The following SPRY3 variants were observed in gnomAD, a reference collection of about 807,000 sequenced individuals.
The protein encoded by SPRY3 is protein sprouty homolog 3.
In SPRY3, 15 loss-of-function variants were observed where a neutral mutation model predicts 20.2. That is an observed-to-expected ratio of 0.74 (90% CI 0.50 to 1.14). The LOEUF is 1.14. Among genes scored for constraint, SPRY3 ranks in the 50% most tolerant of loss-of-function variants. The pLI, the probability that SPRY3 is intolerant of heterozygous loss-of-function variation, is 0.00. For missense variants in SPRY3, 364 were observed against 363.9 expected, an observed-to-expected ratio of 1.00 and a Z score of 0.00; for synonymous variants, 143 against 136.5, an observed-to-expected ratio of 1.05 and a Z score of -0.33.
At chrX:155,707,295 TA>T (rs1307037955) in intron 2 of SPRY3, among the ~76,000 whole-genome samples, 1 of 151,242 alleles carries the variant, frequency 6.6e-6, no homozygotes, top group East Asian at 1.9e-4. Flanking sequence ...TGGGGAGCTC[TA>T]AATTTCTTTC....
intron 2 of SPRY3, among the ~76,000 whole-genome samples, chrX:155,765,419 G>A (rs931458795): frequency 2.6e-5 from 4 of 152,108 alleles, no homozygotes; most frequent in Non-Finnish European, 5.9e-5. Context: ...TCATTAATAT[G>A]CCTCATAGGT....
intron 2 of SPRY3, among the ~76,000 whole-genome samples, chrX:155,696,753 C>A (rs2068120214): frequency 8.9e-6 from 1 of 111,900 alleles, no homozygotes; most frequent in African/African-American, 3.2e-5. Context: ...TATGGACAAT[C>A]CAACTGAGTT....
At chrX:155,704,856 T>A (rs1290144526) in intron 2 of SPRY3, among the ~76,000 whole-genome samples, 1 of 151,592 alleles carries the variant, frequency 6.6e-6, no homozygotes, top group Non-Finnish European at 1.5e-5. Flanking sequence ...CACAATGGAA[T>A]GATCATTTTA....
At chrX:155,769,647 T>A in intron 3 of SPRY3, among the ~76,000 whole-genome samples, 1 of 152,192 alleles carries the variant, frequency 6.6e-6, no homozygotes, top group Middle Eastern at 3.2e-3. Context: ...CCTGTATCAT[T>A]CATCACTAAA....
At chrX:155,729,789 C>G (rs993199490) in intron 2 of SPRY3, among the ~76,000 whole-genome samples, 2 of 150,722 alleles carry the variant, frequency 1.3e-5, no homozygotes, top group Admixed American at 6.6e-5. Context: ...AAAAGATAAA[C>G]AAAATTCACA....
intron 2 of SPRY3, among the ~76,000 whole-genome samples, chrX:155,751,378 A>G (rs2091261291): frequency 6.6e-6 from 1 of 151,898 alleles, no homozygotes; most frequent in Admixed American, 6.6e-5. Context: ...CCACTACTTT[A>G]TTAAGAACTT....
intron 2 of SPRY3, among the ~76,000 whole-genome samples, chrX:155,658,359 C>A (rs1223176046): frequency 8.9e-6 from 1 of 111,820 alleles, no homozygotes; most frequent in Admixed American, 9.5e-5. Context: ...TCTATGATTT[C>A]TTTCATCAGT....
At chrX:155,667,550 T>C (rs782148010) in intron 2 of SPRY3, among the ~76,000 whole-genome samples, 2 of 111,331 alleles carry the variant, frequency 1.8e-5, no homozygotes, top group South Asian at 3.7e-4. Flanking sequence ...AGGAAACTCC[T>C]ATCTGGTGCC....
At chrX:155,781,707 T>C (rs929208836), downstream of SPRY3, 3 of 167,074 alleles carry the variant, frequency 1.8e-5, no homozygotes, top group Non-Finnish European at 4.4e-5. Context: ...TTTTTCTTAA[T>C]GTACAAGGTT....
At chrX:155,712,166 C>A (rs2090991604) in intron 2 of SPRY3, among the ~76,000 whole-genome samples, 1 of 151,788 alleles carries the variant, frequency 6.6e-6, no homozygotes. Flanking sequence ...GTGCATCCTG[C>A]AGTTGTTGGA....
At chrX:155,705,130 T>A (rs1352594918) in intron 2 of SPRY3, among the ~76,000 whole-genome samples, 1 of 151,428 alleles carries the variant, frequency 6.6e-6, no homozygotes, top group Non-Finnish European at 1.5e-5. Flanking sequence ...TTATTTGTAT[T>A]GTTCTAAATG....
chrX:155,681,800 C>T (rs770866669), intron 2 of SPRY3, among the ~76,000 whole-genome samples: 5 of 111,792 alleles, frequency 4.5e-5, no homozygotes, highest in African/African-American at 6.5e-5. Context: ...CAATGAAGGC[C>T]GAGAGAGGCA....
At chrX:155,759,143 C>T (rs1176014837) in intron 2 of SPRY3, among the ~76,000 whole-genome samples, 1 of 151,592 alleles carries the variant, frequency 6.6e-6, no homozygotes, top group African/African-American at 2.4e-5. Context: ...GCAACCTCTG[C>T]CTCCCGAGTA....
intron 2 of SPRY3, among the ~76,000 whole-genome samples, chrX:155,751,085 G>T (rs1344660202): frequency 6.6e-6 from 1 of 151,846 alleles, no homozygotes; most frequent in Admixed American, 6.6e-5. Context: ...TGAATTTGAG[G>T]TCCCAGTAGG....
chrX:155,616,134 T>TCTCTCTCTCTCTC (rs1557348875), intron 1 of SPRY3, among the ~76,000 whole-genome samples: 694 of 58,345 alleles, frequency 0.012, 27 homozygotes, highest in Middle Eastern at 0.046. Flanking sequence ...CTCTCTCCTC[T>TCTCTCTCTCTCTC]CTCTCTCTCT....
intron 1 of SPRY3, among the ~76,000 whole-genome samples, chrX:155,618,729 A>G (rs2067861781): frequency 9.0e-6 from 1 of 111,200 alleles, no homozygotes; most frequent in Non-Finnish European, 1.9e-5. Context: ...TTTTTATGTC[A>G]GGTATTCTGA....
At chrX:155,720,795 G>A (rs1026281178) in intron 2 of SPRY3, among the ~76,000 whole-genome samples, 41 of 152,120 alleles carry the variant, frequency 2.7e-4, no homozygotes, top group Non-Finnish European at 5.7e-4. Flanking sequence ...CCAATATCTG[G>A]AAAGCCTTCC....
chrX:155,750,818 G>A (rs969641457), intron 2 of SPRY3, among the ~76,000 whole-genome samples: 13 of 151,910 alleles, frequency 8.6e-5, no homozygotes, highest in Admixed American at 7.2e-4. Flanking sequence ...TGAGGTTAAT[G>A]GTCATGAATT....
At chrX:155,716,981 AATATATAT>A (rs749530944) in intron 2 of SPRY3, among the ~76,000 whole-genome samples, 28 of 63,500 alleles carry the variant, frequency 4.4e-4, no homozygotes, top group African/African-American at 1.3e-3. Flanking sequence ...TAAAATACAA[AATATATAT>A]ATATATATAT....
Sources: allele counts gnomAD v4.1 joint callset (sites outside exome capture counted in the v4.1 genomes callset), GRCh38; gene constraint gnomAD v4.1.1; transcripts MANE v1.5; gene names NCBI Gene and HGNC (gene_info 2026-07-23, HGNC 2026-07-21).